Variants in POU2AF2 observed in about 807,000 individuals in gnomAD.
POU2AF2 encodes POU class 2 homeobox associating factor 2, also known as POU domain class 2-associating factor 2.
chr11:111,278,082 T>C, the POU2AF2 span, among the ~76,000 whole-genome samples: 4 of 152,176 alleles, frequency 2.6e-5, no homozygotes, highest in Admixed American at 1.3e-4. Flanking sequence ...GGAAAACCCA[T>C]AAATCAAAAG....
the POU2AF2 span, among the ~76,000 whole-genome samples, chr11:111,283,058 CTTT>C: frequency 1.7e-5 from 2 of 118,442 alleles, no homozygotes; most frequent in Admixed American, 9.3e-5. Context: ...AAACTTTTTA[CTTT>C]TTTTTTTTTT....
the POU2AF2 span, among the ~76,000 whole-genome samples, chr11:111,249,975 A>G: frequency 6.6e-6 from 1 of 152,290 alleles, no homozygotes; most frequent in East Asian, 1.9e-4. Flanking sequence ...TTCAATTACC[A>G]TAATTCTAAA....
chr11:111,286,077 G>T, the POU2AF2 span: 4 of 1,597,728 alleles, frequency 2.5e-6, no homozygotes, highest in South Asian at 3.4e-5. Context: ...ATGACTTCTG[G>T]GTTTTTCTTT....
the POU2AF2 span, chr11:111,245,981 G>A: frequency 7.6e-6 from 3 of 392,158 alleles, no homozygotes; most frequent in Non-Finnish European, 1.3e-5. Context: ...CTCTGGCATA[G>A]AACATATAAA....
the POU2AF2 span, among the ~76,000 whole-genome samples, chr11:111,253,336 T>C: frequency 6.6e-6 from 1 of 152,220 alleles, no homozygotes; most frequent in Non-Finnish European, 1.5e-5. Flanking sequence ...GTGCTCATTA[T>C]TCTTTTCTAT....
chr11:111,248,247 T>A, the POU2AF2 span, among the ~76,000 whole-genome samples: 1 of 152,164 alleles, frequency 6.6e-6, no homozygotes, highest in Non-Finnish European at 1.5e-5. Flanking sequence ...GGCTTACTAT[T>A]CATTCCTAAT....
chr11:111,285,975 C>G, the POU2AF2 span: 1 of 1,614,038 alleles, frequency 6.2e-7, no homozygotes, highest in South Asian at 1.1e-5. Context: ...GACACCGGTT[C>G]CCTCCATGAC....
chr11:111,274,337 G>A, the POU2AF2 span, among the ~76,000 whole-genome samples: 1 of 152,082 alleles, frequency 6.6e-6, no homozygotes, highest in South Asian at 2.1e-4. Flanking sequence ...CACAGAGGGG[G>A]CAGCATTAAT....
the POU2AF2 span, among the ~76,000 whole-genome samples, chr11:111,253,147 G>C: frequency 1.3e-5 from 2 of 151,894 alleles, no homozygotes; most frequent in Non-Finnish European, 2.9e-5. Flanking sequence ...TCTTCATAGG[G>C]TTCTCCTCTC....
the POU2AF2 span, among the ~76,000 whole-genome samples, chr11:111,264,491 CGAAAGAAAGAAAGAAAGAAA>C: frequency 0.026 from 2,257 of 85,988 alleles, 69 homozygotes; most frequent in East Asian, 0.041. Context: ...GCAAGACTCA[CGAAAGAAAGAAAGAAAGAAA>C]GAAAGAAAGA....
chr11:111,281,448 C>T, the POU2AF2 span: 1 of 1,613,426 alleles, frequency 6.2e-7, no homozygotes, highest in African/African-American at 1.3e-5. Flanking sequence ...CAGGTGAGTA[C>T]TTTAATTCAA....
At chr11:111,272,760 T>C in the POU2AF2 span, among the ~76,000 whole-genome samples, 4 of 152,184 alleles carry the variant, frequency 2.6e-5, no homozygotes, top group African/African-American at 9.7e-5. Flanking sequence ...TGGTGCAGAG[T>C]AGGCACAGAA....
chr11:111,249,687 T>A, the POU2AF2 span, among the ~76,000 whole-genome samples: 1 of 152,222 alleles, frequency 6.6e-6, no homozygotes, highest in Non-Finnish European at 1.5e-5. Flanking sequence ...ATTTATTTCA[T>A]AAGCATTTAT....
At chr11:111,264,809 G>A in the POU2AF2 span, among the ~76,000 whole-genome samples, 1 of 137,612 alleles carries the variant, frequency 7.3e-6, no homozygotes, top group South Asian at 2.3e-4. Context: ...AAGGGAAAGA[G>A]ACAAAGAAAG....
chr11:111,264,010 A>G, the POU2AF2 span, among the ~76,000 whole-genome samples: 1 of 152,260 alleles, frequency 6.6e-6, no homozygotes, highest in African/African-American at 2.4e-5. Flanking sequence ...GATGTTTGTT[A>G]GAATTCAAAA....
the POU2AF2 span, among the ~76,000 whole-genome samples, chr11:111,264,564 GAAAGAAAGA>G: frequency 2.2e-5 from 1 of 46,074 alleles, no homozygotes; most frequent in East Asian, 4.8e-4. Context: ...AAGAAAGAAA[GAAAGAAAGA>G]AAGGGAGAGA....
the POU2AF2 span, among the ~76,000 whole-genome samples, chr11:111,265,925 A>G: frequency 1.3e-5 from 2 of 152,040 alleles, no homozygotes; most frequent in Non-Finnish European, 2.9e-5. Flanking sequence ...ATTGAGCTAT[A>G]CCACTGTCCT....
chr11:111,249,456 G>A, the POU2AF2 span, among the ~76,000 whole-genome samples: 6 of 152,222 alleles, frequency 3.9e-5, no homozygotes, highest in South Asian at 1.2e-3. Flanking sequence ...CTTTTGTGCT[G>A]TTGCAAAATG....
chr11:111,254,284 A>T, the POU2AF2 span, among the ~76,000 whole-genome samples: 1 of 152,236 alleles, frequency 6.6e-6, no homozygotes, highest in Non-Finnish European at 1.5e-5. Flanking sequence ...TAATTATAGC[A>T]TATATGGACC....
Sources: gnomAD v4.1 joint callset for allele counts (sites outside exome capture counted in the v4.1 genomes callset) on GRCh38, gnomAD v4.1.1 for gene constraint, MANE v1.5 for transcripts, NCBI Gene and HGNC (gene_info 2026-07-23, HGNC 2026-07-21) for gene names.